The following ZNF222 variants were observed in gnomAD, a reference collection of about 807,000 sequenced individuals.
ZNF222 encodes the protein zinc finger protein 222.
A neutral mutation model predicts 11.6 loss-of-function variants in ZNF222; 8 were observed. The ratio of observed to expected loss-of-function variants is 0.69; its 90% CI spans 0.41 to 1.25. The LOEUF is 1.25. Among genes scored for constraint, ZNF222 ranks in the 50% most tolerant of loss-of-function variants. The pLI is 0.01. For synonymous variants in ZNF222, 171 were observed against 195.6 expected, an observed-to-expected ratio of 0.87 and a Z score of 1.05; for missense variants, 483 against 576.1, an observed-to-expected ratio of 0.84 and a Z score of 1.65.
chr19:44,029,177 G>GTTTTTTTTTTTTTTTTTTTTTTTTTTT (rs1568503536), intron 3 of ZNF222, among the ~76,000 whole-genome samples: 2 of 125,950 alleles, frequency 1.6e-5, no homozygotes, highest in African/African-American at 6.5e-5. Flanking sequence ...ACAGTTGTTG[G>GTTTTTTTTTTTTTTTTTTTTTTTTTTT]TTTGTTTTGT....
At position 44,032,986 on chromosome 19, in the gene ZNF222, T is replaced by C. The variant is rs773389114; in HGVS notation, c.1432T>C (p.Leu478=). The C allele has an allele frequency of 1.3e-6, 2 of 1,570,266 alleles. No individual in the cohort carries two copies. Among genetic ancestry groups the C allele is most frequent in the Non-Finnish European group, 1.7e-6 (2 of 1,166,406 alleles). ...EDCGKRYKRR[L]NLDIILSLFL... is the part of the protein sequence containing the mutation. ...CTGTGGGAAGCGCTACAAGAGGCGC[T>C]TGAATCTGGATATAATTTTATCATT... Residue 478 remains leucine, a synonymous_variant, in exon 4 of 4, where the codon TTG becomes CTG. Transcript: ENST00000391960.
At chr19:44,031,722 C>A in intron 3 of ZNF222, 95 bp from the exon 4 acceptor site, 1 of 1,378,368 alleles carries the variant, frequency 7.3e-7, no homozygotes, top group Admixed American at 2.1e-5. Context: ...ACCTCACAGT[C>A]CACCCGCCTC....
intron 1 of ZNF222, chr19:44,026,042 G>T: frequency 6.2e-7 from 1 of 1,613,450 alleles, no homozygotes; most frequent in Non-Finnish European, 8.5e-7. Context: ...CTTTCTAAAA[G>T]AGCTGCAGGA....
At position 44,033,062 on chromosome 19, in the gene ZNF222, T is replaced by C. The variant is rs1460581737; in HGVS notation, c.*32T>C. The C allele has an allele frequency of 6.9e-7, 1 of 1,455,428 alleles. No individual in the cohort carries two copies. The highest frequency in any genetic ancestry group is 1.5e-5 in the South Asian group (1 of 67,174). The allele number at this position is 1,455,428 out of a possible 1,614,324, so 90.2% of individuals were successfully genotyped here. On this transcript the variant is annotated 3_prime_UTR_variant, in exon 4 of 4. Coordinates refer to ENST00000391960, the MANE Select transcript of ZNF222 (RefSeq NM_001129996.2). The stretch of plus-strand genomic sequence containing the variant: ...CATATTTATGGAGTGTGAAATTTGA[T>C]ACATGTATATAATGTGTGCTGATTA...
intron 1 of ZNF222, among the ~76,000 whole-genome samples, chr19:44,026,439 G>A (rs915774103): frequency 6.6e-6 from 1 of 151,990 alleles, no homozygotes; most frequent in African/African-American, 2.4e-5. Flanking sequence ...GGCACCTTGA[G>A]GCAAGGCTCA....
chr19:44,029,914 A>G (rs1976464818), intron 3 of ZNF222, among the ~76,000 whole-genome samples: 2 of 152,230 alleles, frequency 1.3e-5, no homozygotes. Context: ...TCATGTGTGT[A>G]GATGTGTGTG....
chr19:44,026,236 C>G, intron 1 of ZNF222: 1 of 758,688 alleles, frequency 1.3e-6, no homozygotes. Context: ...AATACATGAT[C>G]TTCACAGTGG....
intron 3 of ZNF222, 29 bp downstream of exon 3, chr19:44,027,519 C>A (rs1339773453): frequency 1.3e-6 from 2 of 1,592,602 alleles, no homozygotes; most frequent in South Asian, 2.2e-5. Flanking sequence ...TGTGTCCCTG[C>A]ATGTGATTCC....
At position 44,027,157 on chromosome 19, in the gene ZNF222, C is replaced by T. The variant is rs529914708; in HGVS notation, c.169+8C>T. 3.6e-5 allele frequency: 58 copies of T among 1,613,586 alleles called. No individual in the cohort carries two copies. Among genetic ancestry groups the T allele is most frequent in the Middle Eastern group, 3.3e-4 (2 of 6,060 alleles). ...GGAACCTGCTCTCAGTGGGTGAGGA[C>T]GGGCACCCCCTGTAATGGAATGTCA... On this transcript the variant is annotated splice_region_variant and intron_variant, in intron 2 of 3. Transcript: ENST00000391960.
chr19:44,032,236 C>G lies in ZNF222; in HGVS notation c.682C>G (p.Leu228Val), dbSNP rs1976519611. 5 of 1,614,096 alleles carry G rather than the reference C, an allele frequency of 3.1e-6. No individual in the cohort carries two copies. The Admixed American group carries it at 8.3e-5, about 27-fold the overall frequency. Residue 228 changes from leucine to valine, a missense_variant, in exon 4 of 4, where the codon CTG (leucine) becomes GTG (valine). By Grantham distance (32) the Leu-to-Val change is conservative. Transcript: ENST00000391960. ...CGKEFSQSSR[L>V]QTHQRVHTGE... Reference sequence around the variant, plus strand: ...TAAGGAATTTAGTCAGAGCTCACGTCTGCAAACTCATCAAAGAGTCCACAC... The same window carrying G: ...TAAGGAATTTAGTCAGAGCTCACGTGTGCAAACTCATCAAAGAGTCCACAC...
chr19:44,029,191 GTTTTTTTTTTTT>G (rs1171435860), intron 3 of ZNF222, among the ~76,000 whole-genome samples: 4 of 62,038 alleles, frequency 6.4e-5, no homozygotes, highest in East Asian at 5.5e-4. Flanking sequence ...GTTTTGTTTT[GTTTTTTTTTTTT>G]TTTTTTTTTT....
At chr19:44,031,013 C>T (rs889830423) in intron 3 of ZNF222, 4 of 152,220 alleles carry the variant, frequency 2.6e-5, no homozygotes, top group African/African-American at 9.7e-5. Flanking sequence ...GAGATTACCT[C>T]TCAGATGCTG....
chr19:44,029,434 G>T (rs1976454224), intron 3 of ZNF222, among the ~76,000 whole-genome samples: 1 of 151,820 alleles, frequency 6.6e-6, no homozygotes, highest in Admixed American at 6.6e-5. Flanking sequence ...GCTGAATGTT[G>T]CTTATATTTC....
chr19:44,032,346 G>A lies in ZNF222; in HGVS notation c.792G>A (p.Met264Ile). 6.2e-7 allele frequency: 1 copy of A among 1,614,164 alleles called. No homozygotes were observed. The highest frequency in any genetic ancestry group is 8.5e-7 in the Non-Finnish European group (1 of 1,180,030). Reference protein sequence around the residue: ...SALKVHCKLHMREKPYNCEKC... With the variant: ...SALKVHCKLHIREKPYNCEKC... ...TTAAAGTTCATTGCAAATTACACATGAGAGAGAAACCTTATAATTGTGAGA... is the reference window on the plus strand; with the variant it reads ...TTAAAGTTCATTGCAAATTACACATAAGAGAGAAACCTTATAATTGTGAGA... Residue 264 changes from methionine to isoleucine, a missense_variant, in exon 4 of 4, where the codon ATG becomes ATA. By Grantham distance (10) the Met-to-Ile change is conservative. Transcript: ENST00000391960.
In ZNF222 at chr19:44,027,117, T is replaced by C; in HGVS notation, c.137T>C (p.Met46Thr). 2 of 1,613,972 alleles carry C rather than the reference T, an allele frequency of 1.2e-6. No individual in the cohort carries two copies. Among genetic ancestry groups the C allele is most frequent in the Non-Finnish European group, 1.7e-6 (2 of 1,179,972 alleles). The change falls in exon 2 of 4, where the codon ATG (methionine) becomes ACG (threonine). Residue 46 changes from methionine (M) to threonine (T), a missense_variant. Met to Thr is a moderately conservative substitution (Grantham distance 81, BLOSUM62 -1). Transcript: ENST00000391960. ...CAGAGGAAGCTGTACCGAGATGTGA[T>C]GCTTGAGAACTTCAGGAACCTGCTC... ...PAQRKLYRDV[M>T]LENFRNLLSV...
chr19:44,030,826 G>A (rs1413053235), intron 3 of ZNF222: 1 of 152,240 alleles, frequency 6.6e-6, no homozygotes, highest in Non-Finnish European at 1.5e-5. Flanking sequence ...TCCCTGTGAG[G>A]TAAAGCCCTT....
intron 3 of ZNF222, among the ~76,000 whole-genome samples, chr19:44,029,635 C>G (rs1006298792): frequency 2.6e-5 from 4 of 152,128 alleles, no homozygotes; most frequent in African/African-American, 9.7e-5. Flanking sequence ...AGAAACCTCC[C>G]GAAGGATACT....
At chr19:44,026,135 CGA>C in intron 1 of ZNF222, 3 of 1,582,514 alleles carry the variant, frequency 1.9e-6, no homozygotes, top group Non-Finnish European at 2.6e-6. Context: ...TTACCTCAAC[CGA>C]GAGTGTGTAG....
At position 44,027,447 on chromosome 19, in the gene ZNF222, G is replaced by C; in HGVS notation, c.219G>C (p.Lys73Asn). Reference protein sequence around the residue: ...GDTFHFLREEKFWVMGTTSQR... With the variant: ...GDTFHFLREENFWVMGTTSQR... The stretch of plus-strand genomic sequence containing the variant: ...CTTTCCACTTCCTAAGGGAAGAAAA[G>C]TTTTGGGTGATGGGGACAACAAGCC... The change falls in exon 3 of 4, where the codon AAG (lysine) becomes AAC (asparagine). Residue 73 changes from lysine to asparagine, a missense_variant. Coordinates refer to ENST00000391960, the MANE Select transcript of ZNF222 (RefSeq NM_001129996.2). 6.2e-7 allele frequency: 1 copy of C among 1,614,136 alleles called. No individual in the cohort carries two copies.
Sources: gnomAD v4.1 joint callset for allele counts (sites outside exome capture counted in the v4.1 genomes callset) on GRCh38, gnomAD v4.1.1 for gene constraint, MANE v1.5 for transcripts, NCBI Gene and HGNC (gene_info 2026-07-23, HGNC 2026-07-21) for gene names.